Variants in TTC28 observed in about 807,000 individuals in gnomAD.
TTC28 encodes the protein tetratricopeptide repeat domain 28.
TTC28 carries 61 observed loss-of-function variants against 198.0 expected under a neutral mutation model. That is an observed-to-expected ratio of 0.31 (90% CI 0.25 to 0.38). The LOEUF (loss-of-function observed/expected upper bound fraction) is 0.38, where lower values mean the gene tolerates loss of function less well. Ranked by LOEUF, TTC28 falls within the 10% of genes least tolerant of loss-of-function variation. The pLI is 1.00. For missense variants in TTC28, 2,678 were observed against 3,164.0 expected, an observed-to-expected ratio of 0.85 and a Z score of 3.69; for synonymous variants, 1,171 against 1,297.8, an observed-to-expected ratio of 0.90 and a Z score of 2.10.
Position 28,018,308 on chromosome 22 carries a change from G to C in TTC28, c.4074-3916C>G, listed in dbSNP as rs935187516. Reference sequence around the variant, plus strand: ...GTGTGCGCGCGTGTGTGCGCGCGCGGGGGGGGGGGCGGGGAACCTGTCCCT... The same window carrying C: ...GTGTGCGCGCGTGTGTGCGCGCGCGCGGGGGGGGGCGGGGAACCTGTCCCT... On this transcript the variant is annotated intron_variant, in intron 13 of 22. Coordinates refer to ENST00000397906, the MANE Select transcript of TTC28 (RefSeq NM_001145418.2). 9.8e-5 allele frequency among the ~76,000 whole-genome samples: 8 copies of C among 81,854 alleles called. 1 individual carries two copies. Among genetic ancestry groups the C allele is most frequent in the Non-Finnish European group, 1.4e-4 (6 of 44,306 alleles). The allele number at this position is 81,854 out of a possible 152,430, so 53.7% of individuals were successfully genotyped here.
chr22:28,017,148 C>G (rs1458438800), intron 13 of TTC28, among the ~76,000 whole-genome samples: 1 of 152,220 alleles, frequency 6.6e-6, no homozygotes, highest in African/African-American at 2.4e-5. Flanking sequence ...CGTGGAAAGC[C>G]AGACAAGGCT....
At chr22:28,199,240 A>G (rs1036772330) in intron 5 of TTC28, among the ~76,000 whole-genome samples, 1 of 151,604 alleles carries the variant, frequency 6.6e-6, no homozygotes, top group African/African-American at 2.4e-5. Flanking sequence ...AATATTGAAA[A>G]CTCATATTCT....
intron 12 of TTC28, among the ~76,000 whole-genome samples, chr22:28,075,603 G>T (rs1349601352): frequency 1.3e-5 from 2 of 152,186 alleles, no homozygotes; most frequent in African/African-American, 2.4e-5. Flanking sequence ...GGGGAAATGT[G>T]ATGTAGCAAG....
chr22:28,077,578 A>G (rs1258778857), intron 12 of TTC28, among the ~76,000 whole-genome samples: 4 of 152,234 alleles, frequency 2.6e-5, no homozygotes, highest in Admixed American at 2.0e-4. Flanking sequence ...CAATATTGTC[A>G]GACTTGTTAA....
chr22:28,382,156 G>C (rs1321435545), intron 2 of TTC28, among the ~76,000 whole-genome samples: 1 of 152,180 alleles, frequency 6.6e-6, no homozygotes, highest in Non-Finnish European at 1.5e-5. Flanking sequence ...AAATGTGACT[G>C]TTGGTAAGAT....
intron 2 of TTC28, among the ~76,000 whole-genome samples, chr22:28,615,152 C>T (rs189465227): frequency 1.1e-3 from 165 of 152,276 alleles, no homozygotes; most frequent in African/African-American, 3.4e-3. Flanking sequence ...TATGAACAGA[C>T]GCTTCTCAAA....
At chr22:28,613,206 G>A (rs909726070) in intron 2 of TTC28, among the ~76,000 whole-genome samples, 1 of 152,198 alleles carries the variant, frequency 6.6e-6, no homozygotes, top group Middle Eastern at 3.4e-3. Context: ...TAGAAGAAAT[G>A]GATAAATTCC....
chr22:28,487,876 A>G lies in TTC28; in HGVS notation c.381+141676T>C, dbSNP rs545599742. 2.6e-5 allele frequency among the ~76,000 whole-genome samples: 4 copies of G among 152,324 alleles called. No individual in the cohort carries two copies. The South Asian group carries it at 6.2e-4, about 24-fold the overall frequency. ...ATAAAGGATTGAATATTTTATTGCT[A>G]TGGAGATTAAGTGAGACCATGTAAC... On this transcript the variant is annotated intron_variant, in intron 2 of 22. Coordinates refer to ENST00000397906, the MANE Select transcript of TTC28 (RefSeq NM_001145418.2).
chr22:28,279,539 T>C (rs2044541361), intron 5 of TTC28, among the ~76,000 whole-genome samples: 1 of 152,024 alleles, frequency 6.6e-6, no homozygotes, highest in Non-Finnish European at 1.5e-5. Flanking sequence ...CCTGGCTAAG[T>C]TTTTGTATTT....
At chr22:28,411,018 A>AAAAAATGAG (rs1325917230) in intron 2 of TTC28, among the ~76,000 whole-genome samples, 182 of 152,254 alleles carry the variant, frequency 1.2e-3, no homozygotes, top group African/African-American at 4.2e-3. Flanking sequence ...TTGAAAATGA[A>AAAAAATGAG]AAAAAGACTT....
chr22:28,624,340 T>G (rs1421758682), intron 2 of TTC28, among the ~76,000 whole-genome samples: 2 of 151,276 alleles, frequency 1.3e-5, no homozygotes, highest in East Asian at 3.9e-4. Flanking sequence ...ATCACACCAC[T>G]GCACTCCAGA....
chr22:28,533,031 G>C (rs1036932989), intron 2 of TTC28, among the ~76,000 whole-genome samples: 1 of 152,004 alleles, frequency 6.6e-6, no homozygotes, highest in Non-Finnish European at 1.5e-5. Context: ...ACTCCTATTC[G>C]ACATAGTGTT....
At chr22:28,444,935 C>CAT (rs1601407063) in intron 2 of TTC28, among the ~76,000 whole-genome samples, 1 of 152,280 alleles carries the variant, frequency 6.6e-6, no homozygotes, top group East Asian at 1.9e-4. Flanking sequence ...ATATATTTGA[C>CAT]ATATCAAAAT....
chr22:28,085,122 C>G (rs1291365785), intron 12 of TTC28, among the ~76,000 whole-genome samples: 1 of 152,040 alleles, frequency 6.6e-6, no homozygotes, highest in East Asian at 1.9e-4. Context: ...CCCAATCTAG[C>G]AAGGCAGGCC....
chr22:28,332,730 CAATT>C (rs2045636895), intron 2 of TTC28, among the ~76,000 whole-genome samples: 3 of 152,058 alleles, frequency 2.0e-5, no homozygotes, highest in South Asian at 4.1e-4. Flanking sequence ...TTAATCCTAA[CAATT>C]AAATGCAACC....
chr22:28,465,200 T>C (rs530476417), intron 2 of TTC28, among the ~76,000 whole-genome samples: 5 of 152,322 alleles, frequency 3.3e-5, no homozygotes, highest in South Asian at 4.1e-4. Context: ...ATTCTGCATA[T>C]AGGCAAACAG....
chr22:28,549,055 T>A (rs1441503074), intron 2 of TTC28, among the ~76,000 whole-genome samples: 2 of 151,658 alleles, frequency 1.3e-5, no homozygotes, highest in Non-Finnish European at 2.9e-5. Flanking sequence ...TGAGATGGAG[T>A]CTCGCTCTGT....
chr22:28,154,557 C>T (rs8137954), intron 6 of TTC28, among the ~76,000 whole-genome samples: 7 of 151,948 alleles, frequency 4.6e-5, no homozygotes, highest in South Asian at 2.1e-4. Flanking sequence ...GGGGTTTCAC[C>T]GTGTTAGCCA....
rs540726721 is a variant in TTC28, at chr22:28,469,265, T to C, written c.381+160287A>G. ...GACCCAAGGCCATCATTGTTGGTAA[T>C]ATATGCTTGGCACCTGTATGCCAAA... On this transcript the variant is annotated intron_variant, in intron 2 of 22. Coordinates refer to ENST00000397906, the MANE Select transcript of TTC28 (RefSeq NM_001145418.2). 3.3e-5 allele frequency among the ~76,000 whole-genome samples: 5 copies of C among 152,294 alleles called. No individual in the cohort carries two copies. The South Asian group carries it at 6.2e-4, about 19-fold the overall frequency.
Sources: allele counts gnomAD v4.1 joint callset (sites outside exome capture counted in the v4.1 genomes callset), GRCh38; gene constraint gnomAD v4.1.1; transcripts MANE v1.5; gene names NCBI Gene and HGNC (gene_info 2026-07-23, HGNC 2026-07-21).